Variants in STK32A observed in about 807,000 individuals in gnomAD.
The protein encoded by STK32A is serine/threonine-protein kinase 32A.
STK32A carries 41 observed loss-of-function variants against 53.2 expected under a neutral mutation model. That is an observed-to-expected ratio of 0.77 (90% CI 0.60 to 1.00). The LOEUF (loss-of-function observed/expected upper bound fraction) is 1.00. Among genes scored for constraint, STK32A ranks in the 50% least tolerant of loss-of-function variants. STK32A has a pLI of 0.00. For missense variants in STK32A, 458 were observed against 485.8 expected (o/e 0.94, Z 0.54); for synonymous variants, 166 against 162.8 (o/e 1.02, Z -0.15).
Position 147,385,734 on chromosome 5 carries a change from C to T in STK32A, c.*1751C>T, listed in dbSNP as rs1757623760. ...AACTATTTTTGGCAACCCCTATGCC[C>T]CTGGGTAGGGTCCAGAAGTGAACAG... is the stretch of plus-strand genomic sequence containing the variant. On this transcript the variant is annotated 3_prime_UTR_variant, in exon 13 of 13. Coordinates refer to ENST00000397936, the MANE Select transcript of STK32A (RefSeq NM_001112724.2). 1.3e-5 allele frequency: 2 copies of T among 152,160 alleles called. No individual in the cohort carries two copies. Among genetic ancestry groups the T allele is most frequent in the African/African-American group, 4.8e-5 (2 of 41,438 alleles). 9.4% of individuals were successfully genotyped at this position (152,160 alleles called of 1,614,324 possible). A position where few individuals can be genotyped will look rare whatever the true frequency, so the allele number is the denominator to read the frequency against.
At chr5:147,272,026 C>T (rs539571744) in intron 2 of STK32A, among the ~76,000 whole-genome samples, 30 of 152,246 alleles carry the variant, frequency 2.0e-4, no homozygotes, top group South Asian at 6.2e-4. Context: ...GGGGGCATCA[C>T]GGAACCTACC....
At chr5:147,242,985 T>C (rs1045162231) in intron 2 of STK32A, among the ~76,000 whole-genome samples, 5 of 152,188 alleles carry the variant, frequency 3.3e-5, no homozygotes, top group African/African-American at 1.2e-4. Context: ...GATATCCATA[T>C]TTTTATATAC....
chr5:147,322,984 A>T (rs1403392023), intron 4 of STK32A, among the ~76,000 whole-genome samples: 1 of 152,112 alleles, frequency 6.6e-6, no homozygotes, highest in Non-Finnish European at 1.5e-5. Context: ...GTTCCAGCAA[A>T]TCCAAGCTAT....
chr5:147,243,646 C>T lies in STK32A; in HGVS notation c.52+3960C>T, dbSNP rs554503116. ...GTCCCAGCTATTCAGGAGGCTGAGG[C>T]AGGAGAATCTCTTGAACCTGGGAGG... On this transcript the variant is annotated intron_variant, in intron 2 of 12. Coordinates refer to ENST00000397936, the MANE Select transcript of STK32A (RefSeq NM_001112724.2). Among the ~76,000 whole-genome samples the T allele has an allele frequency of 6.6e-5, 10 of 150,828 alleles. No individual in the cohort carries two copies. The East Asian group carries it at 1.6e-3, about 24-fold the overall frequency.
At chr5:147,392,004 A>G (rs1252651369), downstream of STK32A, 2 of 152,198 alleles carry the variant, frequency 1.3e-5, no homozygotes, top group Non-Finnish European at 2.9e-5. Context: ...GCAGAAGTGG[A>G]CGCTCAGAAG....
chr5:147,311,434 T>A (rs892326588), intron 4 of STK32A, among the ~76,000 whole-genome samples: 5 of 152,078 alleles, frequency 3.3e-5, no homozygotes, highest in Non-Finnish European at 5.9e-5. Flanking sequence ...ATGCCAGGGG[T>A]TGCTGATGGT....
intron 7 of STK32A, among the ~76,000 whole-genome samples, chr5:147,357,478 C>A (rs542021593): frequency 4.0e-4 from 61 of 151,864 alleles, no homozygotes; most frequent in African/African-American, 1.3e-3. Flanking sequence ...ATAAATAATT[C>A]TTGCCTTTTA....
intron 2 of STK32A, among the ~76,000 whole-genome samples, chr5:147,253,156 G>A (rs997945833): frequency 1.3e-5 from 2 of 152,064 alleles, no homozygotes; most frequent in Non-Finnish European, 2.9e-5. Flanking sequence ...AAATACAGTT[G>A]AGTTCTCTTA....
At chr5:147,315,751 GA>G (rs572295354) in intron 4 of STK32A, among the ~76,000 whole-genome samples, 1 of 151,978 alleles carries the variant, frequency 6.6e-6, no homozygotes, top group South Asian at 2.1e-4. Context: ...TACCACAATA[GA>G]AAAAAATACA....
the STK32A span, among the ~76,000 whole-genome samples, chr5:147,399,807 T>C: frequency 1.7e-4 from 26 of 152,216 alleles, no homozygotes; most frequent in Non-Finnish European, 3.4e-4. Context: ...CTTGGAACTA[T>C]TCCAAATAGT....
chr5:147,247,234 C>A (rs73793360), intron 2 of STK32A, among the ~76,000 whole-genome samples: 378 of 152,260 alleles, frequency 2.5e-3, no homozygotes, highest in African/African-American at 8.8e-3. Flanking sequence ...ATTAGAGTGA[C>A]CAGTGTTAGC....
chr5:147,370,855 T>G (rs1339305794), intron 9 of STK32A, 85 bp downstream of exon 9: 5 of 851,284 alleles, frequency 5.9e-6, no homozygotes, highest in African/African-American at 1.7e-5. Context: ...TATACAATAT[T>G]GGGGACAGTC....
intron 2 of STK32A, among the ~76,000 whole-genome samples, chr5:147,271,824 C>T (rs1755049782): frequency 6.6e-6 from 1 of 152,132 alleles, no homozygotes; most frequent in South Asian, 2.1e-4. Flanking sequence ...TTATCAATGA[C>T]AATGGTGCCC....
intron 7 of STK32A, among the ~76,000 whole-genome samples, chr5:147,360,835 G>A (rs1164313388): frequency 6.6e-6 from 1 of 152,170 alleles, no homozygotes; most frequent in Non-Finnish European, 1.5e-5. Flanking sequence ...GTAAGTAAAA[G>A]GTTCATAGTG....
intron 2 of STK32A, among the ~76,000 whole-genome samples, chr5:147,241,253 C>T (rs976915228): frequency 2.0e-5 from 3 of 152,204 alleles, no homozygotes; most frequent in Non-Finnish European, 4.4e-5. Context: ...CCGAGGCGGG[C>T]GGATCACGAG....
chr5:147,297,789 T>G (rs187789313), intron 4 of STK32A, among the ~76,000 whole-genome samples: 2 of 152,054 alleles, frequency 1.3e-5, no homozygotes, highest in Non-Finnish European at 2.9e-5. Flanking sequence ...ACCAGTCTGG[T>G]TCACATGGTG....
intron 2 of STK32A, chr5:147,240,194 G>A (rs955753450): frequency 6.6e-6 from 1 of 152,590 alleles, no homozygotes; most frequent in Non-Finnish European, 1.5e-5. Context: ...AAACTTTCCA[G>A]GCCAGACTCA....
chr5:147,375,615 A>T (rs1348417928), intron 11 of STK32A: 1 of 159,274 alleles, frequency 6.3e-6, no homozygotes, highest in Non-Finnish European at 1.4e-5. Context: ...TGCTTTGAGG[A>T]GTTTCTGGGA....
intron 2 of STK32A, among the ~76,000 whole-genome samples, chr5:147,248,973 C>A (rs931676568): frequency 6.6e-6 from 1 of 152,082 alleles, no homozygotes. Flanking sequence ...AACTGATCTT[C>A]AACCTTAACT....
Sources: gnomAD v4.1 joint callset for allele counts (sites outside exome capture counted in the v4.1 genomes callset) on GRCh38, gnomAD v4.1.1 for gene constraint, MANE v1.5 for transcripts, NCBI Gene and HGNC (gene_info 2026-07-23, HGNC 2026-07-21) for gene names.